The following EBF3 variants were observed in gnomAD, a reference collection of about 807,000 sequenced individuals.
EBF3 encodes the protein transcription factor COE3.
A neutral mutation model predicts 77.1 loss-of-function variants in EBF3; 18 were observed. The ratio of observed to expected loss-of-function variants is 0.23; its 90% CI spans 0.16 to 0.35. EBF3 has a LOEUF of 0.35. Ranked by LOEUF, EBF3 falls within the 10% of genes least tolerant of loss-of-function variation. The pLI, the probability that EBF3 is intolerant of heterozygous loss-of-function variation, is 1.00. For synonymous variants in EBF3, 350 were observed against 343.5 expected (o/e 1.02, Z -0.21); for missense variants, 558 against 860.0 (o/e 0.65, Z 4.39).
At chr10:129,867,608 A>AG (rs1852114537) in intron 9 of EBF3, among the ~76,000 whole-genome samples, 174 bp downstream of exon 9, 1 of 152,202 alleles carries the variant, frequency 6.6e-6, no homozygotes, top group African/African-American at 2.4e-5. Flanking sequence ...GCTGCAGGGC[A>AG]GGGGGGTGTT....
In EBF3 at chr10:129,837,951, C is replaced by G; in HGVS notation, c.1882G>C (p.Gly628Arg). 5 of 1,614,098 alleles carry G rather than the reference C, an allele frequency of 3.1e-6. No individual in the cohort carries two copies. Among genetic ancestry groups the G allele is most frequent in the Non-Finnish European group, 4.2e-6 (5 of 1,180,022 alleles). Residue 628 changes from glycine (G) to arginine (R), a missense_variant, in exon 17 of 17, where the codon GGC becomes CGC. By Grantham distance (125) the Gly-to-Arg change is moderately radical. Coordinates refer to ENST00000440978, the MANE Select transcript of EBF3 (RefSeq NM_001375380.1). ...LKKGTGKLCLGW is the reference protein window; with the variant it reads ...LKKGTGKLCLRW ...CCCTCACATTGGCGGGACTACCAGCCCAGACATAGCTGCAAGACAGAAGGA... is the reference window on the plus strand; with the variant it reads ...CCCTCACATTGGCGGGACTACCAGCGCAGACATAGCTGCAAGACAGAAGGA...
At chr10:129,865,578 T>C (rs1851949862) in intron 10 of EBF3, among the ~76,000 whole-genome samples, 1 of 152,102 alleles carries the variant, frequency 6.6e-6, no homozygotes, top group Admixed American at 6.5e-5. Flanking sequence ...CCTAACCACA[T>C]GGAGAGTGCT....
At chr10:129,891,658 T>C (rs2134198548) in intron 6 of EBF3, among the ~76,000 whole-genome samples, 1 of 152,230 alleles carries the variant, frequency 6.6e-6, no homozygotes, top group South Asian at 2.1e-4. Context: ...CAATACAGGG[T>C]CCCCAGCAGG....
intron 6 of EBF3, among the ~76,000 whole-genome samples, chr10:129,899,503 GT>G (rs1337338328): frequency 6.6e-6 from 1 of 152,226 alleles, no homozygotes; most frequent in African/African-American, 2.4e-5. Flanking sequence ...AGCCAGCCAT[GT>G]GGCTAAAATG....
chr10:129,861,032 G>T lies in EBF3; in HGVS notation c.1039+6109C>A, dbSNP rs567883083. Among the ~76,000 whole-genome samples, 1 of 152,370 alleles carries T rather than the reference G, an allele frequency of 6.6e-6. No homozygotes were observed. On this transcript the variant is annotated intron_variant, in intron 10 of 16. Coordinates refer to ENST00000440978, the MANE Select transcript of EBF3 (RefSeq NM_001375380.1). The surrounding 1 kb of genome is among the most constrained non-coding windows in gnomAD (Gnocchi z 4.3). The stretch of plus-strand genomic sequence containing the variant: ...TCCTGGCCTCCTTGGAGACAGGAAA[G>T]AGAGGGGACAGCAGTGACCCTGGAA...
rs545170975 is a variant in EBF3, at chr10:129,927,455, T to G, written c.554+29803A>C. Among the ~76,000 whole-genome samples, 7 of 152,302 alleles carry G rather than the reference T, an allele frequency of 4.6e-5. 1 individual carries two copies. In the South Asian group the frequency reaches 1.5e-3, roughly 32 times the overall value. On this transcript the variant is annotated intron_variant, in intron 6 of 16. Coordinates refer to ENST00000440978, the MANE Select transcript of EBF3 (RefSeq NM_001375380.1). ...CCCCTTACAAAAGGCACAGAAAGCCTTGGGGCCCAGGACACGTGGTTCCAT... is the reference window on the plus strand; with the variant it reads ...CCCCTTACAAAAGGCACAGAAAGCCGTGGGGCCCAGGACACGTGGTTCCAT...
intron 4 of EBF3, among the ~76,000 whole-genome samples, chr10:129,961,300 C>G (rs1288165305): frequency 1.3e-5 from 2 of 152,112 alleles, no homozygotes; most frequent in Admixed American, 6.6e-5. Flanking sequence ...ACTGGACCTG[C>G]CCCCCTCCCC....
chr10:129,957,225 T>G (rs1299595451), intron 6 of EBF3, 33 bp downstream of exon 6: 1 of 1,568,432 alleles, frequency 6.4e-7, no homozygotes. Context: ...GCTGCTGCGG[T>G]TTTGTTTTGA....
At chr10:129,888,884 A>T (rs1853806885) in intron 6 of EBF3, among the ~76,000 whole-genome samples, 1 of 152,236 alleles carries the variant, frequency 6.6e-6, no homozygotes, top group Non-Finnish European at 1.5e-5. Flanking sequence ...AATTACAAAA[A>T]AAAAGGTAGG....
rs113781233 is a variant in EBF3, at chr10:129,944,429, T to C, written c.554+12829A>G. 4.9e-4 allele frequency among the ~76,000 whole-genome samples: 74 copies of C among 152,344 alleles called. No homozygotes were observed. Among genetic ancestry groups the C allele is most frequent in the Non-Finnish European group, 9.4e-4 (64 of 68,030 alleles). On this transcript the variant is annotated intron_variant, in intron 6 of 16. Coordinates refer to ENST00000440978, the MANE Select transcript of EBF3 (RefSeq NM_001375380.1). The surrounding 1 kb of genome is among the most constrained non-coding windows in gnomAD (Gnocchi z 5.1). ...GGCTGCAGATGAGATCTGATTTCAA[T>C]TGGTGAGCAAACCTGCAGAAGTTTT...
rs146464763 is a variant in EBF3, at chr10:129,849,636, G to A, written c.1040-1156C>T. Among the ~76,000 whole-genome samples the A allele has an allele frequency of 1.2e-4, 19 of 152,292 alleles. No individual in the cohort carries two copies. In the East Asian group the frequency reaches 3.3e-3, roughly 26 times the overall value. On this transcript the variant is annotated intron_variant, in intron 10 of 16. Transcript: ENST00000440978. ...TCTTGTAAGCAACGCAGGAAGCCTC[G>A]CACGTACACTCAATAATGCGCCCGA...
chr10:129,906,103 T>A (rs1403666925), intron 6 of EBF3, among the ~76,000 whole-genome samples: 2 of 152,210 alleles, frequency 1.3e-5, no homozygotes, highest in Non-Finnish European at 2.9e-5. Flanking sequence ...GTATTAACTG[T>A]CAAGAGCGCT....
chr10:129,867,756 G>A lies in EBF3; in HGVS notation c.912+26C>T, dbSNP rs35824920. 2,123 of 1,612,918 alleles carry A rather than the reference G, an allele frequency of 1.3e-3. 74 individuals are homozygous for A. In the East Asian group the frequency reaches 0.046, roughly 35 times the overall value. ...CCATTCATGAAGACAGCAACAGCGC[G>A]AAGCTGACCGAGTCCGCGGGCTTAC... On this transcript the variant is annotated intron_variant, in intron 9 of 16. Transcript: ENST00000440978.
intron 6 of EBF3, among the ~76,000 whole-genome samples, chr10:129,891,988 C>G (rs555758653): frequency 3.3e-5 from 5 of 152,240 alleles, no homozygotes; most frequent in Non-Finnish European, 5.9e-5. Context: ...CTCAGCTGAC[C>G]TGCAGCCAAT....
At chr10:129,902,252 T>C (rs761735459) in intron 6 of EBF3, among the ~76,000 whole-genome samples, 3 of 148,756 alleles carry the variant, frequency 2.0e-5, no homozygotes, top group Non-Finnish European at 4.5e-5. Context: ...TTTTTTACTA[T>C]GTTTCAATGC....
chr10:129,846,399 C>T (rs985422411), intron 11 of EBF3, among the ~76,000 whole-genome samples: 1 of 151,972 alleles, frequency 6.6e-6, no homozygotes, highest in Non-Finnish European at 1.5e-5. Flanking sequence ...ATATTATCAA[C>T]TGCGGGGTGA....
chr10:129,859,715 T>C (rs1355299760), intron 10 of EBF3, among the ~76,000 whole-genome samples: 2 of 152,252 alleles, frequency 1.3e-5, no homozygotes, highest in African/African-American at 4.8e-5. Context: ...TCCAGCACTG[T>C]CACTGACCCA....
chr10:129,917,661 A>AAAAAAAAAAAAAAAAAAAAAAAAAT (rs1855979667), intron 6 of EBF3, among the ~76,000 whole-genome samples: 1 of 148,488 alleles, frequency 6.7e-6, no homozygotes, highest in Admixed American at 6.7e-5. Context: ...CAAAAAAAAA[A>AAAAAAAAAAAAAAAAAAAAAAAAAT]AAAAAAAAAA....
chr10:129,882,524 T>C (rs896909061), intron 6 of EBF3, among the ~76,000 whole-genome samples: 6 of 152,222 alleles, frequency 3.9e-5, no homozygotes, highest in Non-Finnish European at 1.5e-5. Context: ...GCCATGGGGC[T>C]CTAGTGGGTT....
Sources: allele counts gnomAD v4.1 joint callset (sites outside exome capture counted in the v4.1 genomes callset), GRCh38; gene constraint gnomAD v4.1.1; non-coding constraint Gnocchi (gnomAD v3.1); transcripts MANE v1.5; gene names NCBI Gene and HGNC (gene_info 2026-07-23, HGNC 2026-07-21).